The following ARHGEF12 variants were observed in gnomAD, a reference collection of about 807,000 sequenced individuals.
ARHGEF12 encodes the protein KMT2A/ARHGEF12 fusion protein.
In ARHGEF12, 66 loss-of-function variants were observed where a neutral mutation model predicts 211.2. The observed-to-expected ratio is 0.31, with a 90% CI of 0.26 to 0.38. ARHGEF12 has a LOEUF of 0.38. Among genes scored for constraint, ARHGEF12 ranks in the 10% least tolerant of loss-of-function variants. The pLI is 1.00. For synonymous variants in ARHGEF12, 592 were observed against 638.4 expected, an observed-to-expected ratio of 0.93 and a Z score of 1.09; for missense variants, 1,429 against 1,869.5, an observed-to-expected ratio of 0.76 and a Z score of 4.34.
At chr11:120,431,020 T>G (rs1945511082) in intron 10 of ARHGEF12, among the ~76,000 whole-genome samples, 1 of 152,164 alleles carries the variant, frequency 6.6e-6, no homozygotes. Context: ...CCAGGCGCAG[T>G]GGCTCACACC....
At chr11:120,351,556 C>T (rs916530598) in intron 1 of ARHGEF12, among the ~76,000 whole-genome samples, 7 of 145,962 alleles carry the variant, frequency 4.8e-5, no homozygotes, top group Non-Finnish European at 9.0e-5. Context: ...CTTGAACCTC[C>T]ACCTCCCTGG....
At chr11:120,470,923 T>C (rs1648977924) in intron 30 of ARHGEF12, among the ~76,000 whole-genome samples, 1 of 152,134 alleles carries the variant, frequency 6.6e-6, no homozygotes, top group African/African-American at 2.4e-5. Context: ...GGGAGAGAGA[T>C]TATATGGCCT....
At chr11:120,411,890 G>A (rs1393962142) in intron 4 of ARHGEF12, 1 of 151,552 alleles carries the variant, frequency 6.6e-6, no homozygotes, top group Non-Finnish European at 1.5e-5. Flanking sequence ...TGTCTCCTGA[G>A]CTCAAGCAGT....
At chr11:120,447,511 G>A (rs1946078917) in intron 18 of ARHGEF12, among the ~76,000 whole-genome samples, 1 of 152,070 alleles carries the variant, frequency 6.6e-6, no homozygotes, top group Non-Finnish European at 1.5e-5. Context: ...GTTATTTCAG[G>A]TATCTGAGTT....
intron 22 of ARHGEF12, among the ~76,000 whole-genome samples, chr11:120,454,226 TACTC>T (rs1479279940): frequency 6.6e-6 from 1 of 152,150 alleles, no homozygotes; most frequent in Non-Finnish European, 1.5e-5. Flanking sequence ...CGAACATCAT[TACTC>T]ACCCTTGTCA....
At chr11:120,351,341 CAAAAAAAA>C (rs35596601) in intron 1 of ARHGEF12, among the ~76,000 whole-genome samples, 3 of 18,696 alleles carry the variant, frequency 1.6e-4, no homozygotes, top group Admixed American at 2.4e-3. Flanking sequence ...GACTCCGTCT[CAAAAAAAA>C]AAAAAAAAAA....
chr11:120,368,253 T>C (rs41527451), intron 1 of ARHGEF12, among the ~76,000 whole-genome samples: 2,021 of 152,276 alleles, frequency 0.013, 54 homozygotes, highest in African/African-American at 0.046. Context: ...TCATGACTAC[T>C]GACTAAAATC....
intron 27 of ARHGEF12, among the ~76,000 whole-genome samples, chr11:120,461,910 G>A (rs1181502333): frequency 6.6e-6 from 1 of 152,200 alleles, no homozygotes. Flanking sequence ...GAATTGAAGA[G>A]AATTAGGGGC....
intron 27 of ARHGEF12, 70 bp from the exon 28 acceptor site, chr11:120,465,167 T>C (rs920657505): frequency 4.4e-6 from 7 of 1,585,914 alleles, no homozygotes; most frequent in Non-Finnish European, 6.0e-6. Context: ...TCTGGTTGTC[T>C]GTCACTTTGT....
Position 120,451,539 on chromosome 11 carries a change from C to T in ARHGEF12, c.1871C>T (p.Ala624Val), listed in dbSNP as rs201274468. 6.6e-4 allele frequency: 1,072 copies of T among 1,614,086 alleles called. 13 individuals are homozygous for T. In the South Asian group the frequency reaches 8.6e-3, roughly 13 times the overall value. ...AIGRAMELQK[A>V]RHPKHLSTPS... is the part of the protein sequence containing the mutation. Reference sequence around the variant, plus strand: ...GGCAGAGCCATGGAACTACAGAAGGCGCGCCACCCTAAGCACTTATCCACA... The same window carrying T: ...GGCAGAGCCATGGAACTACAGAAGGTGCGCCACCCTAAGCACTTATCCACA... The change falls in exon 22 of 41, where the codon GCG becomes GTG. Residue 624 changes from alanine (A) to valine (V), a missense_variant. Around this residue, in one of 7 missense-constraint regions of ARHGEF12, gnomAD observed 373 missense variants for 467.5 expected, o/e 0.80. Coordinates refer to ENST00000397843, the MANE Select transcript of ARHGEF12 (RefSeq NM_015313.3).
At chr11:120,471,013 A>AT (rs1157814997) in intron 30 of ARHGEF12, among the ~76,000 whole-genome samples, 1 of 152,230 alleles carries the variant, frequency 6.6e-6, no homozygotes, top group African/African-American at 2.4e-5. Context: ...CTGGTTATCC[A>AT]TTGTGCCTGC....
At chr11:120,465,002 T>C in intron 27 of ARHGEF12, 1 of 462,422 alleles carries the variant, frequency 2.2e-6, no homozygotes, top group Non-Finnish European at 3.8e-6. Context: ...CAACACTGTC[T>C]CAAAAAAAAG....
At chr11:120,351,428 TATATATATATATATATATATATATATA>T (rs1565420508) in intron 1 of ARHGEF12, among the ~76,000 whole-genome samples, 4,028 of 9,410 alleles carry the variant, frequency 0.43, 264 homozygotes, top group South Asian at 0.5. Flanking sequence ...TATATATATA[TATATATATATATATATATATATATATA>T]TTTTTTTTTT....
At chr11:120,383,668 G>A in intron 1 of ARHGEF12, among the ~76,000 whole-genome samples, 1 of 152,136 alleles carries the variant, frequency 6.6e-6, no homozygotes, top group East Asian at 1.9e-4. Flanking sequence ...TGGGGCTCAG[G>A]TGGTAATGCG....
chr11:120,429,349 C>A, intron 8 of ARHGEF12, 91 bp from the exon 9 acceptor site: 2 of 1,054,500 alleles, frequency 1.9e-6, no homozygotes, highest in Non-Finnish European at 2.8e-6. Context: ...GGAGCCGAGG[C>A]AGAACTTTGT....
chr11:120,393,213 A>G (rs1447995374), intron 1 of ARHGEF12, among the ~76,000 whole-genome samples: 2 of 152,168 alleles, frequency 1.3e-5, no homozygotes, highest in Non-Finnish European at 1.5e-5. Context: ...TGAGAGAGCC[A>G]AATTAACGGA....
chr11:120,377,416 C>G (rs567731299), intron 1 of ARHGEF12, among the ~76,000 whole-genome samples: 1 of 152,216 alleles, frequency 6.6e-6, no homozygotes, highest in East Asian at 1.9e-4. Flanking sequence ...ACACAGTTCA[C>G]TTCAGGCTTA....
intron 1 of ARHGEF12, among the ~76,000 whole-genome samples, chr11:120,401,715 A>T (rs1944552084): frequency 6.6e-6 from 1 of 152,196 alleles, no homozygotes; most frequent in Admixed American, 6.5e-5. Flanking sequence ...TAAAGTGCAG[A>T]TTGTAACCTG....
chr11:120,435,611 T>G (rs564260955), intron 11 of ARHGEF12, among the ~76,000 whole-genome samples: 17 of 147,312 alleles, frequency 1.2e-4, no homozygotes, highest in Non-Finnish European at 2.2e-4. Flanking sequence ...GCCTCCCGGG[T>G]TCGTGCCATT....
Sources: allele counts gnomAD v4.1 joint callset (sites outside exome capture counted in the v4.1 genomes callset), GRCh38; gene constraint gnomAD v4.1.1; regional missense constraint gnomAD v4.1.1; transcripts MANE v1.5; gene names NCBI Gene and HGNC (gene_info 2026-07-23, HGNC 2026-07-21).